Variants in AOPEP observed in about 807,000 individuals in gnomAD.
AOPEP encodes the protein aminopeptidase O.
Under a neutral mutation model 98.1 loss-of-function variants are expected in AOPEP, and 77 were observed. The ratio of observed to expected loss-of-function variants is 0.78; its 90% CI spans 0.65 to 0.95. The LOEUF (loss-of-function observed/expected upper bound fraction) is 0.95, where lower values mean the gene tolerates loss of function less well. Ranked by LOEUF, AOPEP falls within the 40% of genes least tolerant of loss-of-function variation. AOPEP has a pLI of 0.00. For missense variants in AOPEP, 1,024 were observed against 1,024.7 expected (o/e 1.00, Z 0.01); for synonymous variants, 346 against 365.3 (o/e 0.95, Z 0.60).
chr9:94,900,358 A>G (rs1013221658), intron 5 of AOPEP: 3 of 152,280 alleles, frequency 2.0e-5, no homozygotes, highest in Non-Finnish European at 4.4e-5. Flanking sequence ...TCTTCAGGTC[A>G]CAGTTTCAGG....
At chr9:95,025,942 G>A (rs2063803087) in intron 13 of AOPEP, among the ~76,000 whole-genome samples, 1 of 152,186 alleles carries the variant, frequency 6.6e-6, no homozygotes, top group Non-Finnish European at 1.5e-5. Flanking sequence ...AAGCCTAATA[G>A]GGCTGTGACC....
intron 7 of AOPEP, among the ~76,000 whole-genome samples, chr9:94,936,985 C>T (rs549454231): frequency 1.3e-5 from 2 of 152,320 alleles, no homozygotes; most frequent in Admixed American, 6.5e-5. Flanking sequence ...CCTTTCCCTG[C>T]GTTCAGCTAT....
At chr9:94,915,306 C>G (rs2052640587) in intron 5 of AOPEP, among the ~76,000 whole-genome samples, 1 of 152,148 alleles carries the variant, frequency 6.6e-6, no homozygotes. Context: ...TCTTTCTGCT[C>G]TAATCATCAC....
rs575270462 is a variant in AOPEP at position 95,047,395 on chromosome 9, T to A, written c.2116-13299T>A. ...TTATTTAAAGATCAAATCAGTATTG[T>A]CAAAGTATAAGAAGGCTTTGTTTTT... On this transcript the variant is annotated intron_variant, in intron 13 of 16. Transcript: ENST00000375315. Among the ~76,000 whole-genome samples, 5 of 152,352 alleles carry A rather than the reference T, an allele frequency of 3.3e-5. No individual in the cohort carries two copies. The East Asian group carries it at 9.6e-4, about 29-fold the overall frequency.
At chr9:95,057,288 A>G (rs1480574775) in intron 13 of AOPEP, among the ~76,000 whole-genome samples, 1 of 152,274 alleles carries the variant, frequency 6.6e-6, no homozygotes, top group Admixed American at 6.5e-5. Flanking sequence ...TGATCTTAAA[A>G]TAAATAAATA....
intron 1 of AOPEP, among the ~76,000 whole-genome samples, chr9:94,751,065 A>G (rs1835649029): frequency 6.6e-6 from 1 of 151,972 alleles, no homozygotes; most frequent in African/African-American, 2.4e-5. Context: ...GATTTTTCAC[A>G]AAAAAGAAAA....
chr9:94,882,454 C>T (rs1588687270), intron 5 of AOPEP, among the ~76,000 whole-genome samples: 1 of 152,186 alleles, frequency 6.6e-6, no homozygotes, highest in African/African-American at 2.4e-5. Flanking sequence ...TAATACGCCT[C>T]CCAACTAAAC....
chr9:94,847,367 C>A (rs998752883), intron 5 of AOPEP, among the ~76,000 whole-genome samples: 1 of 152,076 alleles, frequency 6.6e-6, no homozygotes, highest in Non-Finnish European at 1.5e-5. Context: ...GCCCTGGTGG[C>A]TAGTAATTAT....
At chr9:95,000,599 TG>T (rs2061499179) in intron 11 of AOPEP, among the ~76,000 whole-genome samples, 1 of 152,066 alleles carries the variant, frequency 6.6e-6, no homozygotes, top group Non-Finnish European at 1.5e-5. Flanking sequence ...TCCCAGCTAC[TG>T]GGGAGGCTGA....
intron 13 of AOPEP, among the ~76,000 whole-genome samples, chr9:95,023,710 C>A (rs1056237856): frequency 2.0e-5 from 3 of 152,218 alleles, no homozygotes; most frequent in Non-Finnish European, 4.4e-5. Context: ...CTCCCAGCAA[C>A]TACAGAGGTC....
chr9:94,878,518 G>A (rs2047221531), intron 5 of AOPEP, among the ~76,000 whole-genome samples: 1 of 151,862 alleles, frequency 6.6e-6, no homozygotes, highest in Non-Finnish European at 1.5e-5. Context: ...ATCACAAAAA[G>A]CTTCCTGTAC....
intron 14 of AOPEP, among the ~76,000 whole-genome samples, chr9:95,070,407 AT>A (rs558115206): frequency 4.2e-4 from 63 of 151,292 alleles, no homozygotes; most frequent in Middle Eastern, 3.4e-3. Flanking sequence ...CCCTGGACAG[AT>A]TTTTTTTTTC....
the AOPEP span, among the ~76,000 whole-genome samples, chr9:95,138,511 G>A: frequency 2.6e-5 from 4 of 152,228 alleles, no homozygotes; most frequent in Non-Finnish European, 4.4e-5. Flanking sequence ...GAATAGGAGA[G>A]TTCGCCTCTC....
chr9:94,939,564 A>G (rs964690411), intron 7 of AOPEP, among the ~76,000 whole-genome samples: 2 of 152,226 alleles, frequency 1.3e-5, no homozygotes, highest in African/African-American at 2.4e-5. Flanking sequence ...ACTCTACTAC[A>G]GGTTCAGAAT....
At chr9:94,852,951 G>A (rs1454633612) in intron 5 of AOPEP, among the ~76,000 whole-genome samples, 1 of 152,088 alleles carries the variant, frequency 6.6e-6, no homozygotes, top group African/African-American at 2.4e-5. Flanking sequence ...CCAAAAAATA[G>A]CTCAATGGCT....
the AOPEP span, among the ~76,000 whole-genome samples, chr9:95,092,670 G>A: frequency 6.6e-6 from 1 of 152,182 alleles, no homozygotes; most frequent in African/African-American, 2.4e-5. Flanking sequence ...TTTTGCCAGC[G>A]GGGTGTGGGT....
intron 14 of AOPEP, among the ~76,000 whole-genome samples, chr9:95,062,463 T>C (rs1055149182): frequency 1.9e-4 from 29 of 152,182 alleles, no homozygotes; most frequent in African/African-American, 6.3e-4. Flanking sequence ...GGAGTTTTGT[T>C]GGCTGAGCAG....
At chr9:94,848,431 G>A (rs1237870148) in intron 5 of AOPEP, among the ~76,000 whole-genome samples, 2 of 129,776 alleles carry the variant, frequency 1.5e-5, no homozygotes, top group African/African-American at 5.8e-5. Context: ...CAGCCTGGGC[G>A]ACGGAGCGAG....
At chr9:94,804,252 TTGTA>T (rs1360200448) in intron 5 of AOPEP, among the ~76,000 whole-genome samples, 1 of 152,196 alleles carries the variant, frequency 6.6e-6, no homozygotes, top group East Asian at 1.9e-4. Flanking sequence ...AATCTTACCT[TTGTA>T]TGTGTGTATA....
Sources: allele counts gnomAD v4.1 joint callset (sites outside exome capture counted in the v4.1 genomes callset), GRCh38; gene constraint gnomAD v4.1.1; transcripts MANE v1.5; gene names NCBI Gene and HGNC (gene_info 2026-07-23, HGNC 2026-07-21).